LYST: variants seen among roughly 807,000 people sequenced by gnomAD.
LYST encodes lysosomal-trafficking regulator.
A neutral mutation model predicts 413.6 loss-of-function variants in LYST; 192 were observed. The observed-to-expected ratio is 0.46, with a 90% confidence interval of 0.41 to 0.52. The LOEUF (loss-of-function observed/expected upper bound fraction) is 0.52. LYST is among the 20% of genes least tolerant of loss of function. The probability of loss-of-function intolerance (pLI) is 0.00; values close to 1 mark genes in which losing one functional copy is unlikely to be tolerated. For missense variants in LYST, 3,815 were observed against 4,499.9 expected, an observed-to-expected ratio of 0.85 and a Z score of 4.35; for synonymous variants, 1,525 against 1,567.3, an observed-to-expected ratio of 0.97 and a Z score of 0.64.
intron 20 of LYST, among the ~76,000 whole-genome samples, chr1:235,766,529 A>G (rs1668170060): frequency 6.6e-6 from 1 of 152,154 alleles, no homozygotes; most frequent in African/African-American, 2.4e-5. Context: ...ACTGAGGCAA[A>G]CTTATATAAC....
At chr1:235,720,467 A>T (rs971172665) in intron 40 of LYST, among the ~76,000 whole-genome samples, 194 bp downstream of exon 40, 2 of 152,224 alleles carry the variant, frequency 1.3e-5, no homozygotes, top group Non-Finnish European at 2.9e-5. Flanking sequence ...GCCTTAAATA[A>T]GAAAAAAAAG....
intron 5 of LYST, among the ~76,000 whole-genome samples, chr1:235,807,020 G>A (rs1672919355): frequency 6.6e-6 from 1 of 152,106 alleles, no homozygotes; most frequent in East Asian, 1.9e-4. Flanking sequence ...AAAAAGAAAA[G>A]ATTGCCTGTC....
chr1:235,709,060 A>T, intron 44 of LYST, 31 bp downstream of exon 44: 1 of 1,577,006 alleles, frequency 6.3e-7, no homozygotes, highest in South Asian at 1.1e-5. Flanking sequence ...TATCTTATAT[A>T]AATACAGATT....
intron 47 of LYST, among the ~76,000 whole-genome samples, chr1:235,690,769 C>T (rs2103068013): frequency 6.6e-6 from 1 of 152,228 alleles, no homozygotes; most frequent in Non-Finnish European, 1.5e-5. Context: ...AGGTGTTATG[C>T]AGGTAATGGA....
Position 235,746,482 on chromosome 1 carries a change from T to G in LYST, c.7826A>C (p.Lys2609Thr). 1 of 1,613,864 alleles carries G rather than the reference T, an allele frequency of 6.2e-7. No homozygotes were observed. Among genetic ancestry groups the G allele is most frequent in the Non-Finnish European group, 8.5e-7 (1 of 1,179,880 alleles). Residue 2609 changes from lysine (K) to threonine (T), a missense_variant, in exon 29 of 53, where the codon AAA becomes ACA. Coordinates refer to ENST00000389793, the MANE Select transcript of LYST (RefSeq NM_000081.4). Reference sequence around the variant, plus strand: ...CTCATCATTTGCCACTGAACGCATTTTCATCAGAAGCGATTCAGTTTGAGC... The same window carrying G: ...CTCATCATTTGCCACTGAACGCATTGTCATCAGAAGCGATTCAGTTTGAGC... ...PLAQTESLLM[K>T]MRSVANDELH...
intron 3 of LYST, chr1:235,829,673 C>T (rs1675733207): frequency 6.6e-6 from 1 of 152,226 alleles, no homozygotes; most frequent in Non-Finnish European, 1.5e-5. Context: ...CTAGTCTCAA[C>T]TAGTTTTAAA....
rs2102879394 is a variant in LYST at position 235,808,672 on chromosome 1, A to C, written c.2146T>G (p.Cys716Gly). The C allele has an allele frequency of 1.2e-6, 2 of 1,613,828 alleles. No individual in the cohort carries two copies. Among genetic ancestry groups the C allele is most frequent in the Non-Finnish European group, 1.7e-6 (2 of 1,179,800 alleles). ...LHSIQIANHI[C>G]NLIQKGNIVV... ...ATATTGCCTTTCTGGATTAAATTGC[A>C]AATGTGATTTGCAATCTGTATACTA... Residue 716 changes from cysteine to glycine, a missense_variant, in exon 5 of 53, where the codon TGC becomes GGC. By Grantham distance (159) the Cys-to-Gly change is radical. Around this residue, in one of 4 missense-constraint regions of LYST, gnomAD observed 1,648 missense variants for 1,810.3 expected, o/e 0.91. Transcript: ENST00000389793.
intron 50 of LYST, 133 bp downstream of exon 50, chr1:235,676,958 A>G: frequency 1.4e-6 from 1 of 725,848 alleles, no homozygotes; most frequent in Non-Finnish European, 2.6e-6. Flanking sequence ...ATTTCTATAC[A>G]CATACATGCT....
At chr1:235,792,186 T>G in intron 11 of LYST, 61 bp from the exon 12 acceptor site, 1 of 1,103,456 alleles carries the variant, frequency 9.1e-7, no homozygotes, top group Non-Finnish European at 1.3e-6. Flanking sequence ...ATAATAATCT[T>G]GAAATTTAGG....
At chr1:235,846,146 A>C (rs113149431) in intron 1 of LYST, among the ~76,000 whole-genome samples, 4,003 of 152,220 alleles carry the variant, frequency 0.026, 173 homozygotes, top group African/African-American at 0.091. Context: ...TGCACCAGAA[A>C]AGGCGCTGGT....
At chr1:235,822,954 C>T (rs1039480867) in intron 3 of LYST, among the ~76,000 whole-genome samples, 1 of 152,226 alleles carries the variant, frequency 6.6e-6, no homozygotes, top group African/African-American at 2.4e-5. Flanking sequence ...TGCTAACTGA[C>T]TGCAAACTCA....
intron 31 of LYST, chr1:235,737,930 T>C (rs1157673546): frequency 8.5e-7 from 1 of 1,180,536 alleles, no homozygotes; most frequent in Non-Finnish European, 1.1e-6. Flanking sequence ...TGGATCTCAC[T>C]GCCGCGTGCC....
chr1:235,879,144 T>C (rs1681262990), intron 1 of LYST, among the ~76,000 whole-genome samples: 1 of 152,202 alleles, frequency 6.6e-6, no homozygotes, highest in Admixed American at 6.5e-5. Flanking sequence ...GCACTGGGAT[T>C]ACAGGTGTGA....
At chr1:235,782,622 T>C (rs1669992435) in intron 14 of LYST, among the ~76,000 whole-genome samples, 1 of 152,162 alleles carries the variant, frequency 6.6e-6, no homozygotes, top group African/African-American at 2.4e-5. Flanking sequence ...CGGCAGGCCA[T>C]GGGAAATGTG....
chr1:235,834,493 CTCCCAA>C (rs1676334442), intron 1 of LYST, among the ~76,000 whole-genome samples: 1 of 152,150 alleles, frequency 6.6e-6, no homozygotes, highest in Non-Finnish European at 1.5e-5. Flanking sequence ...CCACCTCGGC[CTCCCAA>C]AGTACTGGGA....
At chr1:235,827,451 A>C in intron 3 of LYST, 1 of 983,848 alleles carries the variant, frequency 1.0e-6, no homozygotes, top group Non-Finnish European at 1.2e-6. Context: ...GTACTCAAGA[A>C]GTGCTCCTAT....
chr1:235,738,438 G>T (rs1665014425), intron 31 of LYST: 1 of 1,613,014 alleles, frequency 6.2e-7, no homozygotes, highest in Non-Finnish European at 8.5e-7. Flanking sequence ...GACCTATAGT[G>T]GCTTGGAAGA....
chr1:235,724,521 T>C (rs912049532), intron 38 of LYST, among the ~76,000 whole-genome samples: 2 of 152,222 alleles, frequency 1.3e-5, no homozygotes, highest in African/African-American at 4.8e-5. Flanking sequence ...TTACAATTGA[T>C]GAACCAATAT....
chr1:235,694,979 G>C (rs1660967739), intron 46 of LYST, among the ~76,000 whole-genome samples: 1 of 152,174 alleles, frequency 6.6e-6, no homozygotes, highest in African/African-American at 2.4e-5. Flanking sequence ...CTGATGCAGT[G>C]TGTCTCTTGT....
Sources: allele counts gnomAD v4.1 joint callset (sites outside exome capture counted in the v4.1 genomes callset), GRCh38; gene constraint gnomAD v4.1.1; regional missense constraint gnomAD v4.1.1; transcripts MANE v1.5; gene names NCBI Gene and HGNC (gene_info 2026-07-23, HGNC 2026-07-21).